ZNF665: variants seen among roughly 807,000 people sequenced by gnomAD.
ZNF665 encodes the protein zinc finger protein 665.
A neutral mutation model predicts 7.9 loss-of-function variants in ZNF665; 6 were observed. That is an observed-to-expected ratio of 0.76 (90% CI 0.42 to 1.50). The LOEUF is 1.50. ZNF665 is among the 40% of genes most tolerant of loss of function. The probability of loss-of-function intolerance (pLI) is 0.01; values close to 1 mark genes in which losing one functional copy is unlikely to be tolerated. For synonymous variants in ZNF665, 242 were observed against 274.5 expected, an observed-to-expected ratio of 0.88 and a Z score of 1.17; for missense variants, 819 against 806.7, an observed-to-expected ratio of 1.02 and a Z score of -0.18.
intron 2 of ZNF665, among the ~76,000 whole-genome samples, chr19:53,180,408 G>A (rs934982485): frequency 2.6e-5 from 4 of 151,646 alleles, no homozygotes; most frequent in Non-Finnish European, 5.9e-5. Context: ...ACTCCAGCCT[G>A]GGCAAAAGAG....
chr19:53,165,487 T>C lies in ZNF665; in HGVS notation c.1003A>G (p.Thr335Ala). 6.2e-7 allele frequency: 1 copy of C among 1,613,878 alleles called. No homozygotes were observed. The highest frequency in any genetic ancestry group is 1.3e-5 in the African/African-American group (1 of 74,982). ...TCTCCAGTGTGGATTGTCTGATGGG[T>C]AGTCAGGCTTGAGCGAACACTAAAG... is the stretch of plus-strand genomic sequence containing the variant. The part of the protein sequence containing the change: ...KAFSVRSSLT[T>A]HQTIHTGEKP... Residue 335 changes from threonine (T) to alanine (A), a missense_variant, in exon 4 of 4, where the codon ACC (threonine) becomes GCC (alanine). By Grantham distance (58) the Thr-to-Ala change is moderately conservative. Transcript: ENST00000396424.
chr19:53,178,630 G>A (rs1470311873), intron 2 of ZNF665, among the ~76,000 whole-genome samples: 5 of 152,066 alleles, frequency 3.3e-5, no homozygotes, highest in African/African-American at 1.2e-4. Context: ...AGAAATGAGA[G>A]AATGTTGGAG....
At chr19:53,167,917 G>A (rs966514001) in intron 3 of ZNF665, among the ~76,000 whole-genome samples, 19 of 148,258 alleles carry the variant, frequency 1.3e-4, no homozygotes, top group South Asian at 4.2e-4. Flanking sequence ...TTCGCCATGC[G>A]TTGTGGCGGG....
rs1133145 is a variant in ZNF665 at position 53,163,492 on chromosome 19, T to C, written c.*961A>G. On this transcript the variant is annotated 3_prime_UTR_variant, in exon 4 of 4. Transcript: ENST00000396424. ...TTTAATTTTAAAAGGCAGAGTCTTT[T>C]TTCTTCAGGAGCTTGGAGAGAAATA... 0.52 allele frequency: 78,545 copies of C among 152,118 alleles called. 22,973 individuals are homozygous for C. The highest frequency in any genetic ancestry group is 0.71 in the South Asian group (3,448 of 4,828). The allele number at this position is 152,118 out of a possible 1,614,324, so 9.4% of individuals were successfully genotyped here. A position where few individuals can be genotyped will look rare whatever the true frequency, so the allele number is the denominator to read the frequency against.
At chr19:53,184,616 G>A (rs1313513669) in intron 1 of ZNF665, among the ~76,000 whole-genome samples, 1 of 152,118 alleles carries the variant, frequency 6.6e-6, no homozygotes, top group Admixed American at 6.6e-5. Flanking sequence ...GATAAGGAAG[G>A]GCATGGGTTG....
rs376790975 is a variant in ZNF665, at chr19:53,180,822, A to G, written c.15+2062T>C. 9 of 152,336 alleles carry G rather than the reference A, an allele frequency of 5.9e-5. No homozygotes were observed. The East Asian group carries it at 1.2e-3, about 20-fold the overall frequency. 9.4% of individuals were successfully genotyped at this position (152,336 alleles called of 1,614,324 possible). A position where few individuals can be genotyped will look rare whatever the true frequency, so the allele number is the denominator to read the frequency against. ...CCAATTGGTATTAAATACAAATATTAAAAGTACAGATACCATTTTTTTCCA... is the reference window on the plus strand; with the variant it reads ...CCAATTGGTATTAAATACAAATATTGAAAGTACAGATACCATTTTTTTCCA... On this transcript the variant is annotated intron_variant, in intron 2 of 3. Transcript: ENST00000396424.
intron 2 of ZNF665, chr19:53,180,674 C>T (rs914963801): frequency 6.6e-6 from 1 of 151,902 alleles, no homozygotes; most frequent in African/African-American, 2.4e-5. Flanking sequence ...CTTTTTTGCT[C>T]ATGTGCTTTT....
rs1318346740 is a variant in ZNF665 at position 53,175,556 on chromosome 19, T to A, written c.31A>T (p.Lys11Ter). Residue 11 changes from lysine to a stop codon, truncating the protein, a stop_gained, in exon 3 of 4, where the codon AAG (lysine) becomes TAG (stop). Coordinates refer to ENST00000396424, the MANE Select transcript of ZNF665 (RefSeq NM_024733.5). LOFTEE classifies it high-confidence loss of function. MALPQGQLTF[K>*]DVAIEFSQEE... ...TGAGAGAATTCTATGGCCACATCCT[T>A]GAATGTCAACTGTCCCTAAAATGAA... 1 of 1,603,724 alleles carries A rather than the reference T, an allele frequency of 6.2e-7. No individual in the cohort carries two copies. The highest frequency in any genetic ancestry group is 8.5e-7 in the Non-Finnish European group (1 of 1,177,206).
chr19:53,166,285 C>T lies in ZNF665; in HGVS notation c.205G>A (p.Ala69Thr), dbSNP rs1004567662. The T allele has an allele frequency of 1.9e-6, 3 of 1,610,970 alleles. No homozygotes were observed. The highest frequency in any genetic ancestry group is 2.5e-6 in the Non-Finnish European group (3 of 1,179,010). ...PPKGKNNMGE[A>T]FYTVKLERLE... ...CTCTCCAACTTCACCGTGTAGAACG[C>T]TTCTCCCATATTGTTCTTCCCCTTT... The change falls in exon 4 of 4, where the codon GCG (alanine) becomes ACG (threonine). Residue 69 changes from alanine to threonine, a missense_variant. By Grantham distance (58) the Ala-to-Thr change is moderately conservative (BLOSUM62 0). Coordinates refer to ENST00000396424, the MANE Select transcript of ZNF665 (RefSeq NM_024733.5).
At position 53,175,539 on chromosome 19, in the gene ZNF665, T is replaced by C. The variant is rs779117155; in HGVS notation, c.48A>G (p.Glu16=). Residue 16 remains glutamate (E), a synonymous_variant, in exon 3 of 4, where the codon GAA becomes GAG. Transcript: ENST00000396424. ...GGCATGTCCACTCCTCCTGAGAGAATTCTATGGCCACATCCTTGAATGTCA... is the reference window on the plus strand; with the variant it reads ...GGCATGTCCACTCCTCCTGAGAGAACTCTATGGCCACATCCTTGAATGTCA... ...GQLTFKDVAI[E]FSQEEWTCLD... is the part of the protein sequence containing the mutation. The C allele has an allele frequency of 1.9e-5, 30 of 1,609,948 alleles. No homozygotes were observed. In the East Asian group the frequency reaches 6.5e-4, roughly 35 times the overall value.
At chr19:53,193,131 A>G (rs533779032) in intron 1 of ZNF665, among the ~76,000 whole-genome samples, 181 bp downstream of exon 1, 1 of 152,272 alleles carries the variant, frequency 6.6e-6, no homozygotes, top group East Asian at 1.9e-4. Context: ...GGGCAGGACC[A>G]GCCTGTGTGA....
intron 3 of ZNF665, among the ~76,000 whole-genome samples, chr19:53,170,276 G>T (rs1464146442): frequency 1.3e-5 from 2 of 152,086 alleles, no homozygotes; most frequent in African/African-American, 4.8e-5. Context: ...AACTTTTATT[G>T]TATAATGGCA....
intron 1 of ZNF665, among the ~76,000 whole-genome samples, chr19:53,189,716 C>G (rs1374305651): frequency 6.7e-6 from 1 of 149,626 alleles, no homozygotes; most frequent in East Asian, 2.0e-4. Flanking sequence ...GCGAGCCTGA[C>G]TGATGTCAGG....
At chr19:53,179,455 T>G (rs958887262) in intron 2 of ZNF665, 1 of 142,546 alleles carries the variant, frequency 7.0e-6, no homozygotes, top group Admixed American at 7.0e-5. Flanking sequence ...CTTTTTTTTG[T>G]TTTTTTTTTT....
intron 3 of ZNF665, among the ~76,000 whole-genome samples, chr19:53,167,572 G>A (rs1417982597): frequency 6.7e-6 from 1 of 149,888 alleles, no homozygotes. Context: ...TCAGCCTCCC[G>A]AGTAGCTGGG....
intron 1 of ZNF665, 36 bp from the exon 2 acceptor site, chr19:53,182,979 C>T (rs765673436): frequency 1.3e-6 from 2 of 1,577,394 alleles, no homozygotes; most frequent in Non-Finnish European, 1.7e-6. Context: ...GAATTCAATC[C>T]TGAATGTCAA....
chr19:53,164,377 A>AT lies in ZNF665; in HGVS notation c.*75dup, dbSNP rs1299979516. 3 of 1,199,444 alleles carry AT rather than the reference A, an allele frequency of 2.5e-6. No individual in the cohort carries two copies. The highest frequency in any genetic ancestry group is 2.3e-6 in the Non-Finnish European group (2 of 877,452). 74.3% of individuals were successfully genotyped at this position (1,199,444 alleles called of 1,614,324 possible). ...GGTCTCGAACTCGAGACCTCAGGTG[A>AT]TCCCCCCGCCTCGGCCTCCCAAAGT... On this transcript the variant is annotated 3_prime_UTR_variant, in exon 4 of 4. Coordinates refer to ENST00000396424, the MANE Select transcript of ZNF665 (RefSeq NM_024733.5).
intron 3 of ZNF665, among the ~76,000 whole-genome samples, chr19:53,174,737 G>A (rs1424043849): frequency 2.6e-5 from 4 of 152,070 alleles, no homozygotes; most frequent in African/African-American, 7.2e-5. Flanking sequence ...TCAGGAGTTC[G>A]GGACTAGCCT....
chr19:53,166,544 T>C (rs1373600120), intron 3 of ZNF665, among the ~76,000 whole-genome samples, 197 bp from the exon 4 acceptor site: 1 of 152,184 alleles, frequency 6.6e-6, no homozygotes, highest in African/African-American at 2.4e-5. Flanking sequence ...GTAATTCAAA[T>C]AGTAGGGGAT....
Sources: gnomAD v4.1 joint callset for allele counts (sites outside exome capture counted in the v4.1 genomes callset) on GRCh38, gnomAD v4.1.1 for gene constraint, MANE v1.5 for transcripts, NCBI Gene and HGNC (gene_info 2026-07-23, HGNC 2026-07-21) for gene names.